SHISA9: variants seen among roughly 807,000 people sequenced by gnomAD.
SHISA9 encodes protein shisa-9.
In SHISA9, 13 loss-of-function variants were observed where a neutral mutation model predicts 38.0. The ratio of observed to expected loss-of-function variants is 0.34; its 90% CI spans 0.22 to 0.54. SHISA9 has a LOEUF of 0.54. Ranked by LOEUF, SHISA9 falls within the 20% of genes least tolerant of loss-of-function variation. The probability of loss-of-function intolerance (pLI) is 0.91; values close to 1 mark genes in which losing one functional copy is unlikely to be tolerated. For missense variants in SHISA9, 538 were observed against 575.8 expected, an observed-to-expected ratio of 0.93 and a Z score of 0.67; for synonymous variants, 275 against 242.0, an observed-to-expected ratio of 1.14 and a Z score of -1.27.
the SHISA9 span, among the ~76,000 whole-genome samples, chr16:13,479,521 T>G: frequency 6.6e-6 from 1 of 152,106 alleles, no homozygotes; most frequent in Non-Finnish European, 1.5e-5. Context: ...TAATCTATAT[T>G]CCACCAGGTA....
chr16:13,248,213 C>T, the SHISA9 span, among the ~76,000 whole-genome samples: 1 of 151,970 alleles, frequency 6.6e-6, no homozygotes, highest in East Asian at 1.9e-4. Flanking sequence ...GACTTTTGGA[C>T]AAAATTTAGA....
At chr16:13,412,001 G>C in the SHISA9 span, among the ~76,000 whole-genome samples, 1 of 151,710 alleles carries the variant, frequency 6.6e-6, no homozygotes, top group Non-Finnish European at 1.5e-5. Context: ...TTTCAGAGGG[G>C]GATGATCCCA....
intron 2 of SHISA9, among the ~76,000 whole-genome samples, chr16:13,188,494 G>C (rs59938446): frequency 0.15 from 22,680 of 152,024 alleles, 1,962 homozygotes; most frequent in Middle Eastern, 0.23. Flanking sequence ...AACGTGAGAG[G>C]ATGGCTTGAG....
At chr16:13,442,153 T>C in the SHISA9 span, among the ~76,000 whole-genome samples, 1 of 152,196 alleles carries the variant, frequency 6.6e-6, no homozygotes, top group African/African-American at 2.4e-5. Context: ...ATATAACTCT[T>C]CTGTTAGACC....
At chr16:13,319,133 G>A in the SHISA9 span, among the ~76,000 whole-genome samples, 7 of 152,100 alleles carry the variant, frequency 4.6e-5, no homozygotes, top group African/African-American at 1.7e-4. Flanking sequence ...TCAGCCTCCC[G>A]AGTAGCTGGG....
the SHISA9 span, among the ~76,000 whole-genome samples, chr16:13,273,073 G>T: frequency 6.6e-6 from 1 of 152,054 alleles, no homozygotes; most frequent in Non-Finnish European, 1.5e-5. Context: ...ATCAGAATTG[G>T]TACATTTCAC....
In SHISA9 at chr16:12,968,098, G is replaced by A. The variant is rs112603865; in HGVS notation, c.691+51283G>A. On this transcript the variant is annotated intron_variant, in intron 2 of 4. Transcript: ENST00000558583. ...CCAGTTACTTGGGAGGCTGAGGCGGGAGGATCAGTTGAATCCCAGAGGCAA... is the reference window on the plus strand; with the variant it reads ...CCAGTTACTTGGGAGGCTGAGGCGGAAGGATCAGTTGAATCCCAGAGGCAA... Among the ~76,000 whole-genome samples, 1,171 of 150,332 alleles carry A rather than the reference G, an allele frequency of 7.8e-3. 20 individuals are homozygous for A. Among genetic ancestry groups the A allele is most frequent in the African/African-American group, 0.028 (1,122 of 40,788 alleles).
the SHISA9 span, among the ~76,000 whole-genome samples, chr16:13,252,921 A>G: frequency 2.0e-5 from 3 of 151,922 alleles, no homozygotes; most frequent in Admixed American, 1.3e-4. Context: ...TTATACTTGC[A>G]TTTTCTTCTG....
At chr16:13,415,272 G>T in the SHISA9 span, among the ~76,000 whole-genome samples, 2 of 152,076 alleles carry the variant, frequency 1.3e-5, no homozygotes, top group Non-Finnish European at 1.5e-5. Flanking sequence ...AAAGAATATC[G>T]TGTGCTTTGC....
At chr16:13,141,313 G>C (rs1236252321) in intron 2 of SHISA9, among the ~76,000 whole-genome samples, 4 of 152,050 alleles carry the variant, frequency 2.6e-5, no homozygotes, top group African/African-American at 9.7e-5. Context: ...CACTTTATGA[G>C]CTGAGGAATA....
chr16:13,228,621 C>T (rs2051301940), intron 4 of SHISA9, among the ~76,000 whole-genome samples: 1 of 152,130 alleles, frequency 6.6e-6, no homozygotes, highest in Non-Finnish European at 1.5e-5. Flanking sequence ...TGAAAGATTA[C>T]TGGGAGGAAA....
At chr16:13,128,331 C>G (rs1201561497) in intron 2 of SHISA9, among the ~76,000 whole-genome samples, 2 of 152,176 alleles carry the variant, frequency 1.3e-5, no homozygotes, top group Non-Finnish European at 2.9e-5. Context: ...GCCCTTCTAA[C>G]AAACCTATCA....
the SHISA9 span, among the ~76,000 whole-genome samples, chr16:13,555,639 C>T: frequency 6.6e-6 from 1 of 151,342 alleles, no homozygotes; most frequent in Non-Finnish European, 1.5e-5. Flanking sequence ...CCCCACTCCA[C>T]CCAAAGTGCA....
At chr16:13,024,004 CA>C (rs2072890326) in intron 2 of SHISA9, among the ~76,000 whole-genome samples, 1 of 152,190 alleles carries the variant, frequency 6.6e-6, no homozygotes, top group Admixed American at 6.5e-5. Context: ...GGCTGAGGAA[CA>C]GAAGAAAGTA....
intron 4 of SHISA9, among the ~76,000 whole-genome samples, chr16:13,218,308 T>G (rs1247350333): frequency 1.3e-5 from 2 of 152,142 alleles, no homozygotes; most frequent in African/African-American, 4.8e-5. Flanking sequence ...AGTATTCATT[T>G]TTAAAATGCA....
At chr16:13,261,784 C>G in the SHISA9 span, among the ~76,000 whole-genome samples, 8 of 152,150 alleles carry the variant, frequency 5.3e-5, no homozygotes, top group African/African-American at 1.4e-4. Flanking sequence ...GGCTGGTGAT[C>G]ATGGTTTCAT....
chr16:12,954,389 T>C (rs1055269306), intron 2 of SHISA9, among the ~76,000 whole-genome samples: 3 of 152,148 alleles, frequency 2.0e-5, no homozygotes, highest in Non-Finnish European at 2.9e-5. Flanking sequence ...ACTGAATGAC[T>C]TTAAATAAAG....
intron 2 of SHISA9, among the ~76,000 whole-genome samples, chr16:12,921,541 C>T (rs144090391): frequency 6.6e-6 from 1 of 152,032 alleles, no homozygotes; most frequent in Non-Finnish European, 1.5e-5. Context: ...GCGGGAGGAT[C>T]GTTTGAGGTC....
intron 2 of SHISA9, among the ~76,000 whole-genome samples, chr16:13,118,885 A>G (rs1284488185): frequency 6.6e-6 from 1 of 151,514 alleles, no homozygotes; most frequent in Non-Finnish European, 1.5e-5. Context: ...GCCCTCCACC[A>G]TGCCCAGCTA....
Sources: gnomAD v4.1 joint callset for allele counts (sites outside exome capture counted in the v4.1 genomes callset) on GRCh38, gnomAD v4.1.1 for gene constraint, MANE v1.5 for transcripts, NCBI Gene and HGNC (gene_info 2026-07-23, HGNC 2026-07-21) for gene names.